ATOSB: variants seen among roughly 807,000 people sequenced by gnomAD.
ATOSB encodes the protein atos homolog B.
the ATOSB span, chr9:35,108,125 T>C: frequency 6.4e-7 from 1 of 1,567,416 alleles, no homozygotes; most frequent in Non-Finnish European, 8.6e-7. Context: ...AAAAGATGGA[T>C]ACCTGGTAGA....
the ATOSB span, among the ~76,000 whole-genome samples, chr9:35,107,063 T>C: frequency 2.0e-5 from 3 of 152,082 alleles, no homozygotes; most frequent in Non-Finnish European, 2.9e-5. Context: ...CTTGAGCGCC[T>C]GTAATCACAA....
chr9:35,105,903 CCT>C, the ATOSB span: 2 of 1,613,860 alleles, frequency 1.2e-6, no homozygotes, highest in Non-Finnish European at 1.7e-6. This position sits in a 1 kb window ranked among gnomAD's most constrained non-coding sequence, Gnocchi z 5.5. Flanking sequence ...GGGCTGCTTT[CCT>C]CTCTCCCCAC....
the ATOSB span, among the ~76,000 whole-genome samples, chr9:35,113,707 C>A: frequency 0.021 from 3,245 of 151,794 alleles, 98 homozygotes; most frequent in South Asian, 0.071. Context: ...TAAATTTATC[C>A]TGCTTTATTT....
At chr9:35,114,749 C>T in the ATOSB span, among the ~76,000 whole-genome samples, 1 of 152,166 alleles carries the variant, frequency 6.6e-6, no homozygotes, top group African/African-American at 2.4e-5. Flanking sequence ...TACTCCTCAC[C>T]ACTTCCCCCC....
At chr9:35,116,088 G>T in the ATOSB span, among the ~76,000 whole-genome samples, 1 of 151,472 alleles carries the variant, frequency 6.6e-6, no homozygotes, top group Admixed American at 6.6e-5. Context: ...AGGATCCTCA[G>T]CTTTTCCCAG....
chr9:35,106,994 C>T, the ATOSB span: 1 of 1,026,714 alleles, frequency 9.7e-7, no homozygotes, highest in Non-Finnish European at 1.5e-6. This position sits in a 1 kb window ranked among gnomAD's most constrained non-coding sequence, Gnocchi z 4.6. Flanking sequence ...GCCCCCCAGG[C>T]CTCCACCTTT....
the ATOSB span, chr9:35,105,248 A>T: frequency 6.2e-7 from 1 of 1,613,838 alleles, no homozygotes; most frequent in South Asian, 1.1e-5. This position sits in a 1 kb window ranked among gnomAD's most constrained non-coding sequence, Gnocchi z 5.5. Flanking sequence ...AACGTGGATT[A>T]TGAGGGGCCT....
At chr9:35,108,672 T>G in the ATOSB span, 1 of 1,011,266 alleles carries the variant, frequency 9.9e-7, no homozygotes, top group Non-Finnish European at 1.2e-6. Flanking sequence ...TGCAGTCTGA[T>G]CCATGCCTGC....
At chr9:35,108,375 T>A in the ATOSB span, 8 of 1,420,802 alleles carry the variant, frequency 5.6e-6, no homozygotes, top group Non-Finnish European at 7.3e-6. Flanking sequence ...GAAGAAAAGG[T>A]GGTCAGGGGA....
the ATOSB span, chr9:35,109,331 G>A: frequency 6.6e-6 from 1 of 152,376 alleles, no homozygotes; most frequent in African/African-American, 2.4e-5. Context: ...CCAAAAACAA[G>A]AAGGGGAAGG....
At chr9:35,107,825 A>C in the ATOSB span, 56 of 1,593,466 alleles carry the variant, frequency 3.5e-5, no homozygotes, top group Non-Finnish European at 4.7e-5. Context: ...TATTGCAGGA[A>C]GCATTTGATG....
the ATOSB span, chr9:35,116,292 T>C: frequency 1.3e-5 from 2 of 152,308 alleles, no homozygotes; most frequent in Non-Finnish European, 2.9e-5. Context: ...CAGGATCCGC[T>C]GGCTCTGATT....
At chr9:35,111,626 C>T in the ATOSB span, 13 of 151,882 alleles carry the variant, frequency 8.6e-5, no homozygotes, top group Non-Finnish European at 1.9e-4. Context: ...ACCACCCGCG[C>T]CGCGGCGGCC....
the ATOSB span, chr9:35,107,387 A>C: frequency 8.7e-6 from 14 of 1,613,214 alleles, no homozygotes; most frequent in Non-Finnish European, 9.3e-6. Flanking sequence ...TTACCAAAAC[A>C]GGCTCTTTGG....
the ATOSB span, chr9:35,108,003 A>G: frequency 1.3e-6 from 2 of 1,575,332 alleles, no homozygotes; most frequent in South Asian, 1.2e-5. Flanking sequence ...TTCAGGGGGT[A>G]GTCCCTCTCT....
At chr9:35,105,309 C>A in the ATOSB span, 1 of 1,614,020 alleles carries the variant, frequency 6.2e-7, no homozygotes. This position sits in a 1 kb window ranked among gnomAD's most constrained non-coding sequence, Gnocchi z 5.5. Context: ...CTCCAGGCTC[C>A]GGCGGGAAAA....
the ATOSB span, chr9:35,104,581 G>C: frequency 2.6e-6 from 1 of 384,444 alleles, no homozygotes; most frequent in Non-Finnish European, 5.5e-6. Flanking sequence ...AGACAAGCTT[G>C]TGCACACACA....
the ATOSB span, chr9:35,106,480 A>T: frequency 1.9e-6 from 3 of 1,608,832 alleles, no homozygotes; most frequent in Admixed American, 5.1e-5. This position sits in a 1 kb window ranked among gnomAD's most constrained non-coding sequence, Gnocchi z 4.6. Flanking sequence ...TCCAAGCCAC[A>T]TTCCACCATC....
chr9:35,105,414 G>A, the ATOSB span: 5 of 1,577,206 alleles, frequency 3.2e-6, no homozygotes, highest in Non-Finnish European at 4.3e-6. The surrounding 1 kb of genome is among the most constrained non-coding windows in gnomAD (Gnocchi z 5.5). Flanking sequence ...AATCCAGGCT[G>A]GGTTCAGTGG....
Sources: allele counts gnomAD v4.1 joint callset (sites outside exome capture counted in the v4.1 genomes callset), GRCh38; gene constraint gnomAD v4.1.1; non-coding constraint Gnocchi (gnomAD v3.1); transcripts MANE v1.5; gene names NCBI Gene and HGNC (gene_info 2026-07-23, HGNC 2026-07-21).